The following TADA1 variants were observed in gnomAD, a reference collection of about 807,000 sequenced individuals.
The protein encoded by TADA1 is transcriptional adapter 1.
In TADA1, 23 loss-of-function variants were observed where a neutral mutation model predicts 39.3. The observed-to-expected ratio is 0.58, with a 90% CI of 0.42 to 0.83. The LOEUF (loss-of-function observed/expected upper bound fraction) is 0.83, where lower values mean the gene tolerates loss of function less well. Among genes scored for constraint, TADA1 ranks in the 40% least tolerant of loss-of-function variants. TADA1 has a pLI of 0.00. For missense variants in TADA1, 352 were observed against 408.1 expected, an observed-to-expected ratio of 0.86 and a Z score of 1.18; for synonymous variants, 137 against 151.8, an observed-to-expected ratio of 0.90 and a Z score of 0.72.
Position 166,857,536 on chromosome 1 carries a change from C to A in TADA1, c.*31G>T, listed in dbSNP as rs6675153. On this transcript the variant is annotated 3_prime_UTR_variant, in exon 8 of 8. Transcript: ENST00000367874. ...TTCAATTTTCAGTAATCAATGAATT[C>A]GGTGAGGGTCCCACACCCTCAAATC... is the stretch of plus-strand genomic sequence containing the variant. 1 of 1,606,784 alleles carries A rather than the reference C, an allele frequency of 6.2e-7. No homozygotes were observed. The highest frequency in any genetic ancestry group is 1.1e-5 in the South Asian group (1 of 90,276).
At chr1:166,875,795 G>C (rs1022289345) in intron 1 of TADA1, among the ~76,000 whole-genome samples, 8 of 152,218 alleles carry the variant, frequency 5.3e-5, no homozygotes, top group Admixed American at 2.6e-4. Context: ...GGCTGGACGC[G>C]TAGGGCTCCG....
chr1:166,860,073 A>G (rs1658372791), intron 6 of TADA1, 113 bp downstream of exon 6: 1 of 1,057,630 alleles, frequency 9.5e-7, no homozygotes, highest in Non-Finnish European at 1.3e-6. Flanking sequence ...TTGTACTCCT[A>G]TTAAAGGTAC....
rs1021821918 is a variant in TADA1, at chr1:166,856,749, G to A, written c.*818C>T. 2.0e-5 allele frequency: 3 copies of A among 152,554 alleles called. No homozygotes were observed. The highest frequency in any genetic ancestry group is 4.4e-5 in the Non-Finnish European group (3 of 68,030). The allele number at this position is 152,554 out of a possible 1,614,324, so 9.5% of individuals were successfully genotyped here. On this transcript the variant is annotated 3_prime_UTR_variant, in exon 8 of 8. Transcript: ENST00000367874. ...TTATTTTCACTTCATCACTTGAAAC[G>A]GTAGAAATAGGTACCTCCTAGAAAC...
chr1:166,867,543 CTTT>C (rs1658564137), intron 3 of TADA1, among the ~76,000 whole-genome samples: 1 of 151,196 alleles, frequency 6.6e-6, no homozygotes. Flanking sequence ...ACAACGACTT[CTTT>C]GAGGGTCAAA....
intron 1 of TADA1, among the ~76,000 whole-genome samples, chr1:166,871,849 A>T (rs1486270965): frequency 2.6e-5 from 4 of 152,200 alleles, no homozygotes; most frequent in Non-Finnish European, 5.9e-5. Context: ...AAAATAAAAT[A>T]AAAAAATAGT....
chr1:166,867,691 A>G (rs1658567173), intron 3 of TADA1, among the ~76,000 whole-genome samples: 1 of 151,918 alleles, frequency 6.6e-6, no homozygotes, highest in South Asian at 2.1e-4. Context: ...CTCATGCCTC[A>G]GCCTCCTGAG....
intron 3 of TADA1, 150 bp downstream of exon 3, chr1:166,869,295 T>G (rs1658605967): frequency 1.8e-6 from 1 of 549,798 alleles, no homozygotes; most frequent in Non-Finnish European, 3.2e-6. Flanking sequence ...AAAAAGATTC[T>G]GTAAAAGAAT....
intron 3 of TADA1, among the ~76,000 whole-genome samples, chr1:166,866,711 TACC>T (rs1208326251): frequency 6.6e-6 from 1 of 152,132 alleles, no homozygotes; most frequent in Non-Finnish European, 1.5e-5. Context: ...TACTTACGAA[TACC>T]ACTTCAACAT....
At chr1:166,872,724 C>A (rs2101796889) in intron 1 of TADA1, among the ~76,000 whole-genome samples, 1 of 152,168 alleles carries the variant, frequency 6.6e-6, no homozygotes, top group East Asian at 1.9e-4. Context: ...TCACCTTCCA[C>A]CATGAGTGAA....
intron 1 of TADA1, among the ~76,000 whole-genome samples, chr1:166,870,789 A>C (rs1658642387): frequency 6.6e-6 from 1 of 152,152 alleles, no homozygotes; most frequent in Non-Finnish European, 1.5e-5. Context: ...TGATCACACC[A>C]CTACACTCCA....
At chr1:166,859,001 A>G (rs1456143215) in intron 6 of TADA1, among the ~76,000 whole-genome samples, 1 of 152,232 alleles carries the variant, frequency 6.6e-6, no homozygotes, top group Non-Finnish European at 1.5e-5. Context: ...TGCTCCCAAC[A>G]TCACCCGCTA....
intron 5 of TADA1, 115 bp from the exon 6 acceptor site, chr1:166,860,452 G>C (rs976214828): frequency 5.0e-6 from 5 of 1,003,150 alleles, no homozygotes; most frequent in Non-Finnish European, 7.2e-6. Context: ...GAATAGGTTA[G>C]TATATGCTAG....
intron 3 of TADA1, among the ~76,000 whole-genome samples, chr1:166,868,005 T>G (rs1211040671): frequency 6.6e-6 from 1 of 152,200 alleles, no homozygotes; most frequent in East Asian, 1.9e-4. Flanking sequence ...TTAAAAAAAT[T>G]TCAATTTAAT....
intron 3 of TADA1, chr1:166,868,703 A>G (rs1658589174): frequency 6.5e-6 from 1 of 152,762 alleles, no homozygotes; most frequent in African/African-American, 2.4e-5. Flanking sequence ...TTCCCGGGCT[A>G]TCTCCTTGCT....
rs1227920493 is a variant in TADA1, at chr1:166,857,719, C to G, written c.856G>C (p.Val286Leu). 1 of 1,608,480 alleles carries G rather than the reference C, an allele frequency of 6.2e-7. No individual in the cohort carries two copies. Residue 286 changes from valine to leucine, a missense_variant and splice_region_variant, in exon 8 of 8, where the codon GTG becomes CTG. Physicochemically the swap from Val to Leu is conservative, Grantham distance 32. Around this residue, in one of 3 missense-constraint regions of TADA1, gnomAD observed 285 missense variants for 310.9 expected, o/e 0.92. Coordinates refer to ENST00000367874, the MANE Select transcript of TADA1 (RefSeq NM_053053.4). ...NMYDLFEALQVHREVIPTHTV... is the reference protein window; with the variant it reads ...NMYDLFEALQLHREVIPTHTV... ...TGTGTAGGGATGACTTCCCTGTGCA[C>G]CTGGGATTAAAAAATTAACGCATGT...
chr1:166,862,150 AC>A, intron 5 of TADA1, 52 bp downstream of exon 5: 1 of 1,548,598 alleles, frequency 6.5e-7, no homozygotes, highest in Non-Finnish European at 8.9e-7. Context: ...TAAACAACAC[AC>A]AAGCCTATCA....
chr1:166,870,514 C>A (rs1658632435), intron 1 of TADA1, among the ~76,000 whole-genome samples: 1 of 152,164 alleles, frequency 6.6e-6, no homozygotes, highest in African/African-American at 2.4e-5. Flanking sequence ...AGAATACCAA[C>A]AAAGAAAGGA....
chr1:166,865,052 T>C (rs1658498149), intron 3 of TADA1, among the ~76,000 whole-genome samples: 1 of 151,686 alleles, frequency 6.6e-6, no homozygotes, highest in Non-Finnish European at 1.5e-5. Context: ...TATTTGACAA[T>C]ATTCTTTCAC....
At chr1:166,869,690 A>G in intron 2 of TADA1, 73 bp downstream of exon 2, 1 of 1,532,716 alleles carries the variant, frequency 6.5e-7, no homozygotes, top group Admixed American at 1.9e-5. Flanking sequence ...ACTTTTTAAA[A>G]AGGGAAAAGA....
Sources: gnomAD v4.1 joint callset for allele counts (sites outside exome capture counted in the v4.1 genomes callset) on GRCh38, gnomAD v4.1.1 for gene constraint, gnomAD v4.1.1 regional missense constraint, MANE v1.5 for transcripts, NCBI Gene and HGNC (gene_info 2026-07-23, HGNC 2026-07-21) for gene names.